EFCAB13: variants seen among roughly 807,000 people sequenced by gnomAD.
EFCAB13 encodes EF-hand calcium binding domain 13.
A neutral mutation model predicts 110.2 loss-of-function variants in EFCAB13; 91 were observed. That is an observed-to-expected ratio of 0.83 (90% CI 0.70 to 0.98). The LOEUF (loss-of-function observed/expected upper bound fraction) is 0.98, where lower values mean the gene tolerates loss of function less well. EFCAB13 is among the 50% of genes least tolerant of loss of function. The pLI, the probability that EFCAB13 is intolerant of heterozygous loss-of-function variation, is 0.00. For missense variants in EFCAB13, 968 were observed against 1,119.4 expected (o/e 0.86, Z 1.93); for synonymous variants, 323 against 369.9 (o/e 0.87, Z 1.45).
intron 9 of EFCAB13, among the ~76,000 whole-genome samples, chr17:47,353,651 T>G (rs1415854628): frequency 3.3e-5 from 5 of 152,206 alleles, no homozygotes; most frequent in African/African-American, 1.2e-4. Context: ...TTTATAGAAC[T>G]GGATTAGCAA....
intron 23 of EFCAB13, among the ~76,000 whole-genome samples, chr17:47,425,700 G>A (rs1401573626): frequency 3.3e-5 from 5 of 152,150 alleles, no homozygotes; most frequent in Admixed American, 6.5e-5. Flanking sequence ...GATGAACGGC[G>A]TGCTAAAGCT....
chr17:47,371,458 C>G (rs776192915), intron 11 of EFCAB13, among the ~76,000 whole-genome samples: 15 of 152,114 alleles, frequency 9.9e-5, no homozygotes, highest in Non-Finnish European at 2.1e-4. Flanking sequence ...ATCCACTTTT[C>G]CCAGCACCAT....
At chr17:47,399,611 G>A (rs1053698085) in intron 17 of EFCAB13, among the ~76,000 whole-genome samples, 1 of 151,698 alleles carries the variant, frequency 6.6e-6, no homozygotes, top group African/African-American at 2.4e-5. Flanking sequence ...TACTGATCTA[G>A]GGTATTATTT....
At chr17:47,432,402 A>ATAAATAAATAAAT (rs1905134803) in intron 24 of EFCAB13, among the ~76,000 whole-genome samples, 1 of 123,310 alleles carries the variant, frequency 8.1e-6, no homozygotes, top group Non-Finnish European at 1.7e-5. Context: ...CATCTCAAAA[A>ATAAATAAATAAAT]TAAATAAATA....
intron 24 of EFCAB13, among the ~76,000 whole-genome samples, chr17:47,438,079 T>A (rs1181181401): frequency 6.6e-6 from 1 of 152,172 alleles, no homozygotes; most frequent in Non-Finnish European, 1.5e-5. Context: ...GGCTGATAAT[T>A]GTTTTGTTTG....
intron 20 of EFCAB13, among the ~76,000 whole-genome samples, chr17:47,408,387 A>G (rs748709526): frequency 1.3e-5 from 2 of 152,180 alleles, no homozygotes; most frequent in Non-Finnish European, 2.9e-5. Flanking sequence ...GAAGTGGCTC[A>G]TACCTATACT....
At chr17:47,365,485 G>A (rs1225570366) in intron 10 of EFCAB13, among the ~76,000 whole-genome samples, 1 of 152,120 alleles carries the variant, frequency 6.6e-6, no homozygotes, top group Admixed American at 6.5e-5. Flanking sequence ...ATAAAGTACT[G>A]TACATAAGAA....
intron 10 of EFCAB13, among the ~76,000 whole-genome samples, chr17:47,366,761 A>G (rs1217585161): frequency 6.6e-6 from 1 of 152,172 alleles, no homozygotes; most frequent in Non-Finnish European, 1.5e-5. Flanking sequence ...AGTAGGTAAT[A>G]TTTGTTTGGG....
chr17:47,374,614 A>G lies in EFCAB13; in HGVS notation c.1020A>G (p.Lys340=). 6.2e-7 allele frequency: 1 copy of G among 1,603,834 alleles called. No homozygotes were observed. The highest frequency in any genetic ancestry group is 8.5e-7 in the Non-Finnish European group (1 of 1,177,554). Residue 340 remains lysine (K), a synonymous_variant, in exon 12 of 25, where the codon AAA becomes AAG. Transcript: ENST00000331493. The part of the protein sequence containing the change: ...PEPSISKKLN[K]KSNQYYSKIM... The stretch of plus-strand genomic sequence containing the variant: ...CTTCAATATCCAAAAAGTTAAATAA[A>G]AAAAGCAACCAATATTATAGCAAAA...
At chr17:47,347,521 G>A (rs1343057020) in intron 8 of EFCAB13, among the ~76,000 whole-genome samples, 1 of 152,084 alleles carries the variant, frequency 6.6e-6, no homozygotes, top group Non-Finnish European at 1.5e-5. Context: ...AAGTGCTATG[G>A]GAACACAGAG....
At chr17:47,358,676 T>G (rs554385546) in intron 9 of EFCAB13, among the ~76,000 whole-genome samples, 1 of 152,280 alleles carries the variant, frequency 6.6e-6, no homozygotes, top group South Asian at 2.1e-4. Context: ...ATCACAAAAT[T>G]TATTATTTTT....
chr17:47,357,975 C>T (rs950917651), intron 9 of EFCAB13, among the ~76,000 whole-genome samples: 1 of 152,080 alleles, frequency 6.6e-6, no homozygotes, highest in African/African-American at 2.4e-5. Flanking sequence ...CTATTTTGAC[C>T]TTATTTTCTG....
At chr17:47,379,118 A>G (rs528580747) in intron 13 of EFCAB13, 64 bp from the exon 14 acceptor site, 2 of 1,217,222 alleles carry the variant, frequency 1.6e-6, no homozygotes, top group East Asian at 4.7e-5. Context: ...TTGTGTTAAA[A>G]TGTAAATTTG....
At chr17:47,399,700 G>C (rs187363484) in intron 17 of EFCAB13, among the ~76,000 whole-genome samples, 1 of 151,950 alleles carries the variant, frequency 6.6e-6, no homozygotes, top group Admixed American at 6.5e-5. Flanking sequence ...TGAAGAGTGA[G>C]TTCTTGGTTA....
At chr17:47,365,496 A>G (rs1328189472) in intron 10 of EFCAB13, among the ~76,000 whole-genome samples, 1 of 152,206 alleles carries the variant, frequency 6.6e-6, no homozygotes, top group African/African-American at 2.4e-5. Context: ...TACATAAGAA[A>G]GCAACAGGAA....
At chr17:47,327,486 C>G (rs568845563) in intron 3 of EFCAB13, among the ~76,000 whole-genome samples, 1 of 151,512 alleles carries the variant, frequency 6.6e-6, no homozygotes, top group South Asian at 2.1e-4. Context: ...TTGAGACAGT[C>G]TCACTGTATA....
chr17:47,391,542 C>T lies in EFCAB13; in HGVS notation c.1688C>T (p.Pro563Leu), dbSNP rs1410477629. The T allele has an allele frequency of 6.3e-7, 1 of 1,591,098 alleles. No homozygotes were observed. The highest frequency in any genetic ancestry group is 8.5e-7 in the Non-Finnish European group (1 of 1,171,638). Residue 563 changes from proline to leucine, a missense_variant, in exon 15 of 25, where the codon CCA becomes CTA. Transcript: ENST00000331493. ...LQNFGIYLSK[P>L]EFKKITELTE... is the part of the protein sequence containing the mutation. ...AATTTTGGTATTTACCTTTCTAAGC[C>T]AGAATTTAAGAAGATCACAGAACTG...
intron 5 of EFCAB13, among the ~76,000 whole-genome samples, chr17:47,336,734 C>T (rs376980330): frequency 9.6e-4 from 146 of 152,008 alleles, no homozygotes; most frequent in African/African-American, 3.4e-3. Context: ...CCACTGCACC[C>T]GACCAAGCTA....
chr17:47,380,448 T>TA (rs1300172603), intron 14 of EFCAB13, among the ~76,000 whole-genome samples: 1 of 152,240 alleles, frequency 6.6e-6, no homozygotes, highest in African/African-American at 2.4e-5. Context: ...CCATGGTGTA[T>TA]ATGTGCCACA....
Sources: allele counts gnomAD v4.1 joint callset (sites outside exome capture counted in the v4.1 genomes callset), GRCh38; gene constraint gnomAD v4.1.1; transcripts MANE v1.5; gene names NCBI Gene and HGNC (gene_info 2026-07-23, HGNC 2026-07-21).